Variants in ZNF215 observed in about 807,000 individuals in gnomAD.
ZNF215 encodes the protein zinc finger protein 215, also known as BWSCR2-associated zinc finger protein 2.
Under a neutral mutation model 27.2 loss-of-function variants are expected in ZNF215, and 24 were observed. The ratio of observed to expected loss-of-function variants is 0.88; its 90% CI spans 0.64 to 1.24. The LOEUF (loss-of-function observed/expected upper bound fraction) is 1.24. Among genes scored for constraint, ZNF215 ranks in the 50% most tolerant of loss-of-function variants. The pLI, the probability that ZNF215 is intolerant of heterozygous loss-of-function variation, is 0.00. For synonymous variants in ZNF215, 210 were observed against 204.0 expected, an observed-to-expected ratio of 1.03 and a Z score of -0.25; for missense variants, 675 against 605.7, an observed-to-expected ratio of 1.11 and a Z score of -1.20.
downstream of ZNF215, among the ~76,000 whole-genome samples, chr11:6,993,662 C>A (rs1475301845): frequency 6.6e-6 from 1 of 152,100 alleles, no homozygotes; most frequent in Non-Finnish European, 1.5e-5. Flanking sequence ...ATTACATTTT[C>A]TTCCTTATCC....
intron 6 of ZNF215, among the ~76,000 whole-genome samples, chr11:6,952,317 TAA>T (rs1850104698): frequency 6.6e-6 from 1 of 152,192 alleles, no homozygotes; most frequent in Non-Finnish European, 1.5e-5. Context: ...TTGATCTATC[TAA>T]TGTTGACAGT....
downstream of ZNF215, among the ~76,000 whole-genome samples, chr11:6,992,780 T>TA (rs1323826420): frequency 2.0e-5 from 3 of 151,860 alleles, no homozygotes; most frequent in African/African-American, 7.3e-5. Flanking sequence ...TGACCCAGGT[T>TA]AAGATTCTGG....
At chr11:6,989,110 C>T (rs994066901), downstream of ZNF215, among the ~76,000 whole-genome samples, 15 of 127,770 alleles carry the variant, frequency 1.2e-4, no homozygotes, top group Admixed American at 1.3e-3. Context: ...GAGCCCAGAT[C>T]GTGCCAATGC....
chr11:6,943,438 TCAG>T, intron 5 of ZNF215, 105 bp from the exon 6 acceptor site: 4 of 1,194,630 alleles, frequency 3.3e-6, no homozygotes, highest in Non-Finnish European at 4.8e-6. Context: ...GCCTTACCCT[TCAG>T]CAGCTTGGAT....
chr11:6,978,761 A>C (rs950205621), intron 5 of ZNF215, among the ~76,000 whole-genome samples: 2 of 152,152 alleles, frequency 1.3e-5, no homozygotes, highest in South Asian at 4.1e-4. Flanking sequence ...TCTACCAAAA[A>C]AAAAAATGTA....
chr11:6,940,083 A>G (rs1849583151), intron 3 of ZNF215, among the ~76,000 whole-genome samples: 1 of 151,548 alleles, frequency 6.6e-6, no homozygotes, highest in South Asian at 2.1e-4. Flanking sequence ...AAAAAAAAAC[A>G]TTATCCAAGT....
At chr11:6,980,676 G>A (rs1590088185) in intron 5 of ZNF215, among the ~76,000 whole-genome samples, 1 of 151,332 alleles carries the variant, frequency 6.6e-6, no homozygotes, top group African/African-American at 2.4e-5. Flanking sequence ...AGTTACATAT[G>A]TATACATGTG....
chr11:6,984,783 C>G (rs1851028286), downstream of ZNF215, among the ~76,000 whole-genome samples: 1 of 152,076 alleles, frequency 6.6e-6, no homozygotes, highest in African/African-American at 2.4e-5. Flanking sequence ...TTTTAGAAGC[C>G]ATTTTATCCA....
chr11:6,954,597 A>G (rs1467117746), intron 6 of ZNF215, among the ~76,000 whole-genome samples: 2 of 152,344 alleles, frequency 1.3e-5, no homozygotes, highest in Non-Finnish European at 2.9e-5. Flanking sequence ...AAAGCGCAGT[A>G]TTAGGGTGGG....
intron 5 of ZNF215, among the ~76,000 whole-genome samples, chr11:6,975,462 A>G (rs1431967219): frequency 6.6e-6 from 1 of 151,868 alleles, no homozygotes; most frequent in Non-Finnish European, 1.5e-5. Flanking sequence ...ATAGTAGGTC[A>G]TATTATTCTA....
intron 3 of ZNF215, among the ~76,000 whole-genome samples, chr11:6,937,486 C>CTTTT (rs57676890): frequency 5.9e-5 from 7 of 118,918 alleles, no homozygotes; most frequent in African/African-American, 2.0e-4. Flanking sequence ...ATCTCAGCTG[C>CTTTT]TTTTTTTTTT....
intron 3 of ZNF215, among the ~76,000 whole-genome samples, chr11:6,940,296 A>G (rs1207788838): frequency 6.6e-6 from 1 of 151,514 alleles, no homozygotes; most frequent in Non-Finnish European, 1.5e-5. Context: ...TGTTGCTGAG[A>G]AATTTGGATT....
downstream of ZNF215, among the ~76,000 whole-genome samples, chr11:6,960,240 G>T (rs2133315329): frequency 6.6e-6 from 1 of 152,186 alleles, no homozygotes; most frequent in African/African-American, 2.4e-5. Context: ...CTAACTTTCT[G>T]GAGGGCCAAC....
chr11:6,970,493 A>G (rs888362627), intron 5 of ZNF215, among the ~76,000 whole-genome samples: 1 of 152,216 alleles, frequency 6.6e-6, no homozygotes, highest in Non-Finnish European at 1.5e-5. Flanking sequence ...GATAAAATGT[A>G]TTTTGGTTAT....
intron 5 of ZNF215, among the ~76,000 whole-genome samples, chr11:6,971,284 C>T (rs903609417): frequency 1.3e-5 from 2 of 152,146 alleles, no homozygotes; most frequent in African/African-American, 2.4e-5. Context: ...TAAATCCTTT[C>T]CATCACATCT....
At chr11:6,963,648 C>G (rs2857884) in intron 5 of ZNF215, among the ~76,000 whole-genome samples, 34,120 of 151,732 alleles carry the variant, frequency 0.22, 3,975 homozygotes, top group Non-Finnish European at 0.25. Context: ...TGGTATATAC[C>G]TAGGTGTGAG....
In ZNF215 at chr11:6,932,210, C is replaced by T. The variant is rs761545625; in HGVS notation, c.-63C>T. On this transcript the variant is annotated 5_prime_UTR_variant, in exon 3 of 7. Transcript: ENST00000278319. ...ATAGTACACAGGTGCTTAGCTCAAG[C>T]CTGAGAATTACTGCAATCTAGTAAG... The T allele has an allele frequency of 2.6e-4, 404 of 1,561,736 alleles. No homozygotes were observed. The highest frequency in any genetic ancestry group is 9.1e-4 in the Admixed American group (49 of 54,042).
chr11:6,941,795 C>A, intron 4 of ZNF215, 142 bp downstream of exon 4: 1 of 780,134 alleles, frequency 1.3e-6, no homozygotes, highest in South Asian at 1.7e-5. Context: ...GGACACTGGA[C>A]CTATTTTAGT....
intron 6 of ZNF215, among the ~76,000 whole-genome samples, chr11:6,953,735 C>T (rs1482480742): frequency 5.3e-5 from 8 of 152,226 alleles, no homozygotes; most frequent in African/African-American, 1.2e-4. Context: ...TCTCTCAACT[C>T]GTCAAAGTCA....
Sources: allele counts gnomAD v4.1 joint callset (sites outside exome capture counted in the v4.1 genomes callset), GRCh38; gene constraint gnomAD v4.1.1; transcripts MANE v1.5; gene names NCBI Gene and HGNC (gene_info 2026-07-23, HGNC 2026-07-21).